TMC1: variants seen among roughly 807,000 people sequenced by gnomAD.
TMC1 encodes the protein transmembrane channel like 1.
A neutral mutation model predicts 105.8 loss-of-function variants in TMC1; 84 were observed. The observed-to-expected ratio is 0.79, with a 90% CI of 0.67 to 0.95. TMC1 has a LOEUF of 0.95. TMC1 is among the 40% of genes least tolerant of loss of function. TMC1 has a pLI of 0.00. For synonymous variants in TMC1, 315 were observed against 311.5 expected (o/e 1.01, Z -0.12); for missense variants, 817 against 914.1 (o/e 0.89, Z 1.37).
intron 20 of TMC1, among the ~76,000 whole-genome samples, chr9:72,823,617 A>C (rs1370659712): frequency 6.6e-6 from 1 of 152,196 alleles, no homozygotes; most frequent in Non-Finnish European, 1.5e-5. Flanking sequence ...AAATTATTCC[A>C]ATAGGCTAGT....
At chr9:72,660,064 A>C (rs1825950565) in intron 5 of TMC1, among the ~76,000 whole-genome samples, 1 of 152,092 alleles carries the variant, frequency 6.6e-6, no homozygotes, top group Non-Finnish European at 1.5e-5. Flanking sequence ...TCATCAATGC[A>C]CTGTGTGGAT....
chr9:72,595,548 C>T (rs533532225), intron 2 of TMC1, among the ~76,000 whole-genome samples: 179 of 152,218 alleles, frequency 1.2e-3, no homozygotes, highest in African/African-American at 4.0e-3. Flanking sequence ...GGCCAGAACG[C>T]TGTTTACTTT....
At chr9:72,775,837 A>G (rs1055936477) in intron 13 of TMC1, among the ~76,000 whole-genome samples, 1 of 152,202 alleles carries the variant, frequency 6.6e-6, no homozygotes, top group Non-Finnish European at 1.5e-5. Context: ...GCATGTGCAG[A>G]GATCACGATG....
intron 13 of TMC1, 60 bp downstream of exon 13, chr9:72,772,615 T>TATATCC: frequency 1.2e-6 from 2 of 1,601,500 alleles, no homozygotes; most frequent in South Asian, 2.2e-5. Context: ...ATGGAGGGAT[T>TATATCC]AATTTGGGGA....
At chr9:72,732,051 G>A (rs1564519485) in intron 8 of TMC1, among the ~76,000 whole-genome samples, 1 of 152,104 alleles carries the variant, frequency 6.6e-6, no homozygotes, top group Non-Finnish European at 1.5e-5. Flanking sequence ...ATGGTACAAT[G>A]CCTTAAAATA....
In TMC1 at chr9:72,536,395, C is replaced by T. The variant is rs149292067; in HGVS notation, c.-428+14482C>T. 5.5e-3 allele frequency among the ~76,000 whole-genome samples: 838 copies of T among 152,226 alleles called. 11 individuals are homozygous for T. The highest frequency in any genetic ancestry group is 0.019 in the African/African-American group (782 of 41,534). The stretch of plus-strand genomic sequence containing the variant: ...TCACCCAGGCTGGAGTGCAGTGGTG[C>T]GATCTCGGCTCACTGCAAGCTCTGC... On this transcript the variant is annotated intron_variant, in intron 1 of 23. Coordinates refer to ENST00000297784, the MANE Select transcript of TMC1 (RefSeq NM_138691.3).
At chr9:72,625,840 T>A (rs1264562446) in intron 3 of TMC1, among the ~76,000 whole-genome samples, 1 of 152,194 alleles carries the variant, frequency 6.6e-6, no homozygotes, top group Non-Finnish European at 1.5e-5. Flanking sequence ...AGTAGGCTGA[T>A]TTTGTTTCAT....
chr9:72,784,639 C>T (rs1430742125), intron 13 of TMC1, among the ~76,000 whole-genome samples: 1 of 152,146 alleles, frequency 6.6e-6, no homozygotes, highest in Admixed American at 6.5e-5. Flanking sequence ...CACATGTACT[C>T]ATATGTTCAC....
chr9:72,727,948 C>T (rs569815851), intron 8 of TMC1, among the ~76,000 whole-genome samples: 1 of 152,042 alleles, frequency 6.6e-6, no homozygotes, highest in African/African-American at 2.4e-5. Flanking sequence ...ATAAAGTTAC[C>T]ATTATAAAAT....
At position 72,577,940 on chromosome 9, in the gene TMC1, G is replaced by A. The variant is rs1435043762; in HGVS notation, c.-389G>A. On this transcript the variant is annotated 5_prime_UTR_variant, in exon 2 of 24. It adds an upstream start codon to the 5' untranslated region. Transcript: ENST00000297784. ...CTGTTGCCCAGGCTGGAGTGCAGTG[G>A]TGCGATCTCGGCTCTCTGCAACCTC... 4 of 152,136 alleles carry A rather than the reference G, an allele frequency of 2.6e-5. No homozygotes were observed. Among genetic ancestry groups the A allele is most frequent in the African/African-American group, 4.8e-5 (2 of 41,408 alleles). 9.4% of individuals were successfully genotyped at this position (152,136 alleles called of 1,614,324 possible).
intron 13 of TMC1, among the ~76,000 whole-genome samples, chr9:72,777,602 G>A (rs892963344): frequency 4.6e-5 from 7 of 152,144 alleles, no homozygotes; most frequent in Admixed American, 3.3e-4. Context: ...GAAAAGCAAC[G>A]AGGTATGAAA....
At chr9:72,603,116 A>T (rs918827589) in intron 2 of TMC1, among the ~76,000 whole-genome samples, 30 of 152,184 alleles carry the variant, frequency 2.0e-4, no homozygotes, top group Non-Finnish European at 2.2e-4. Context: ...GGAAACAAGA[A>T]TACCATCCTG....
chr9:72,527,747 A>C (rs1355646097), intron 1 of TMC1, among the ~76,000 whole-genome samples: 3 of 152,194 alleles, frequency 2.0e-5, no homozygotes, highest in Admixed American at 2.0e-4. Context: ...ACTGCTACCA[A>C]GCTGCAAACA....
intron 2 of TMC1, among the ~76,000 whole-genome samples, chr9:72,609,328 C>T (rs1824984036): frequency 6.6e-6 from 1 of 151,972 alleles, no homozygotes; most frequent in South Asian, 2.1e-4. Context: ...CACTTGAGGT[C>T]AGGAGTTTGA....
intron 2 of TMC1, among the ~76,000 whole-genome samples, chr9:72,594,883 T>C (rs937078027): frequency 2.6e-5 from 4 of 151,572 alleles, no homozygotes; most frequent in African/African-American, 4.9e-5. Context: ...TTTTTTTTTT[T>C]GAGACAGCGT....
At chr9:72,557,343 C>G (rs932094723) in intron 1 of TMC1, among the ~76,000 whole-genome samples, 4 of 152,062 alleles carry the variant, frequency 2.6e-5, no homozygotes, top group African/African-American at 9.7e-5. Context: ...TGCACTCCAG[C>G]CTGGGTGACA....
At position 72,835,897 on chromosome 9, in the gene TMC1, TTC is replaced by T. The variant is rs113386228; in HGVS notation, c.2261-41_2261-40del. 482 of 1,517,288 alleles carry T rather than the reference TTC, an allele frequency of 3.2e-4. 1 individual carries two copies. Among genetic ancestry groups the T allele is most frequent in the South Asian group, 1.8e-3 (153 of 85,392 alleles). 94.0% of individuals were successfully genotyped at this position (1,517,288 alleles called of 1,614,324 possible). On this transcript the variant is annotated intron_variant, in intron 23 of 23. Transcript: ENST00000297784. ...CGTTTTTATTTGCCTCCTGTTCATC[TTC>T]TCTCTCTCTCTCCTTGTTTTTTTTT...
intron 2 of TMC1, among the ~76,000 whole-genome samples, chr9:72,593,715 A>T (rs904114661): frequency 1.0e-4 from 15 of 147,832 alleles, no homozygotes; most frequent in Admixed American, 2.7e-4. Flanking sequence ...TTCTATTTTA[A>T]AAAAAAAAAA....
At chr9:72,594,224 G>A (rs1824684226) in intron 2 of TMC1, among the ~76,000 whole-genome samples, 1 of 152,202 alleles carries the variant, frequency 6.6e-6, no homozygotes, top group Non-Finnish European at 1.5e-5. Context: ...AAAGCAGAAA[G>A]CTCTAATACC....
Sources: allele counts gnomAD v4.1 joint callset (sites outside exome capture counted in the v4.1 genomes callset), GRCh38; gene constraint gnomAD v4.1.1; transcripts MANE v1.5; gene names NCBI Gene and HGNC (gene_info 2026-07-23, HGNC 2026-07-21).